KIAA0319: variants seen among roughly 807,000 people sequenced by gnomAD.
KIAA0319 encodes KIAA0319.
KIAA0319 carries 83 observed loss-of-function variants against 108.4 expected under a neutral mutation model. That is an observed-to-expected ratio of 0.77 (90% confidence interval 0.64 to 0.92). KIAA0319 has a LOEUF of 0.92. Among genes scored for constraint, KIAA0319 ranks in the 40% least tolerant of loss-of-function variants. KIAA0319 has a pLI of 0.00. For synonymous variants in KIAA0319, 484 were observed against 510.4 expected, an observed-to-expected ratio of 0.95 and a Z score of 0.70; for missense variants, 1,195 against 1,322.4, an observed-to-expected ratio of 0.90 and a Z score of 1.49.
In KIAA0319 at chr6:24,564,336, A is replaced by G; in HGVS notation, c.2297T>C (p.Val766Ala). The G allele has an allele frequency of 6.2e-7, 1 of 1,614,174 alleles. No individual in the cohort carries two copies. The highest frequency in any genetic ancestry group is 8.5e-7 in the Non-Finnish European group (1 of 1,179,986). ...RDGQSPAAGD[V>A]IDGSDHSVAL... Reference sequence around the variant, plus strand: ...CACACTGTGGTCAGAGCCATCGATGACATCCTGCGAAAGAACACGGATCAC... The same window carrying G: ...CACACTGTGGTCAGAGCCATCGATGGCATCCTGCGAAAGAACACGGATCAC... The change falls in exon 15 of 21, where the codon GTC (valine) becomes GCC (alanine). Residue 766 changes from valine (V) to alanine (A), a missense_variant. Val to Ala is a moderately conservative substitution (Grantham distance 64). Transcript: ENST00000378214.
Position 24,547,113 on chromosome 6 carries a change from C to T in KIAA0319, c.*52G>A. On this transcript the variant is annotated 3_prime_UTR_variant, in exon 21 of 21. Transcript: ENST00000378214. ...AGTGGGTTTTGTGCTGTAACTCCCACTGACTGGTCTTGGATTCAAGGGGTC... is the reference window on the plus strand; with the variant it reads ...AGTGGGTTTTGTGCTGTAACTCCCATTGACTGGTCTTGGATTCAAGGGGTC... 1.3e-6 allele frequency: 2 copies of T among 1,582,110 alleles called. No individual in the cohort carries two copies. The highest frequency in any genetic ancestry group is 1.1e-5 in the South Asian group (1 of 89,226).
rs758024443 is a variant in KIAA0319, at chr6:24,560,744, T to C, written c.2592-1589A>G. ...TTCTTCCTGTGTGCCTCTCTCTATG[T>C]CTCTTGTCCTCTTCTTAGAAGAACA... On this transcript the variant is annotated intron_variant, in intron 16 of 20. Transcript: ENST00000378214. 3.9e-5 allele frequency among the ~76,000 whole-genome samples: 6 copies of C among 152,298 alleles called. No homozygotes were observed. The Middle Eastern group carries it at 0.014, about 345-fold the overall frequency.
rs1766425002 is a variant in KIAA0319 at position 24,580,947 on chromosome 6, CAAATCCTTCTCCAAAGGCGTTTTCACTAG to C, written c.1229_1257del (p.Ser410CysfsTer6). On this transcript the variant is annotated frameshift_variant, in exon 7 of 21. Coordinates refer to ENST00000378214, the MANE Select transcript of KIAA0319 (RefSeq NM_014809.4). LOFTEE classifies it high-confidence loss of function. Reference sequence around the variant, plus strand: ...TTACCAGGCTTAACAGTGACATTGACAAATCCTTCTCCAAAGGCGTTTTCACTAGAAACAGTGACTTTGAAGACATAAAG... The same window carrying C: ...TTACCAGGCTTAACAGTGACATTGACAAACAGTGACTTTGAAGACATAAAG... 6.2e-7 allele frequency: 1 copy of C among 1,611,864 alleles called. No individual in the cohort carries two copies.
chr6:24,579,272 C>T (rs1765990508), intron 8 of KIAA0319, among the ~76,000 whole-genome samples: 1 of 151,852 alleles, frequency 6.6e-6, no homozygotes, highest in East Asian at 1.9e-4. Context: ...ATAGAAGAAA[C>T]GATCTCTGAA....
intron 20 of KIAA0319, among the ~76,000 whole-genome samples, chr6:24,548,986 G>A (rs1221035384): frequency 6.6e-6 from 1 of 152,076 alleles, no homozygotes; most frequent in Non-Finnish European, 1.5e-5. Context: ...TAAGAGGTGG[G>A]GCATTTGGGT....
intron 2 of KIAA0319, chr6:24,598,024 G>C (rs983353913): frequency 2.0e-5 from 5 of 245,508 alleles, no homozygotes; most frequent in African/African-American, 9.3e-5. Context: ...ATCCATCAAG[G>C]TGACCCATAA....
At chr6:24,606,073 G>A (rs955212348) in intron 1 of KIAA0319, among the ~76,000 whole-genome samples, 1 of 151,920 alleles carries the variant, frequency 6.6e-6, no homozygotes, top group African/African-American at 2.4e-5. Flanking sequence ...TAGCTGGGAC[G>A]ACAGGTGCCT....
chr6:24,559,533 C>T (rs552075914), intron 16 of KIAA0319, among the ~76,000 whole-genome samples: 1 of 152,118 alleles, frequency 6.6e-6, no homozygotes, highest in East Asian at 1.9e-4. Context: ...GCACAGGACC[C>T]TTCTAGATCT....
intron 18 of KIAA0319, among the ~76,000 whole-genome samples, chr6:24,555,803 C>T (rs1194269817): frequency 6.6e-6 from 1 of 152,168 alleles, no homozygotes; most frequent in Non-Finnish European, 1.5e-5. Flanking sequence ...GCCAAATTCT[C>T]TTCTTTACCT....
chr6:24,558,905 C>A, intron 17 of KIAA0319, 108 bp downstream of exon 17: 1 of 1,108,036 alleles, frequency 9.0e-7, no homozygotes, highest in Non-Finnish European at 1.3e-6. Flanking sequence ...AAACAAGTCC[C>A]TGGATGCTAA....
chr6:24,599,461 AG>A lies in KIAA0319; in HGVS notation c.55+1587del. 1.8e-6 allele frequency: 1 copy of A among 554,152 alleles called. No individual in the cohort carries two copies. The allele number at this position is 554,152 out of a possible 1,614,324, so 34.3% of individuals were successfully genotyped here. On this transcript the variant is annotated intron_variant, in intron 2 of 20. Coordinates refer to ENST00000378214, the MANE Select transcript of KIAA0319 (RefSeq NM_014809.4). This position sits in a 1 kb window ranked among gnomAD's most constrained non-coding sequence, Gnocchi z 4.1. Reference sequence around the variant, plus strand: ...TGGGCCATGCAGGACATGGCATGGCAGCTGCATGAGTACCAGGAGCTGATGA... The same window carrying A: ...TGGGCCATGCAGGACATGGCATGGCACTGCATGAGTACCAGGAGCTGATGA...
At chr6:24,625,029 C>G (rs1317978987) in intron 1 of KIAA0319, among the ~76,000 whole-genome samples, 2 of 152,236 alleles carry the variant, frequency 1.3e-5, no homozygotes, top group African/African-American at 4.8e-5. Context: ...TGCACCACTG[C>G]ATGCCAGCAT....
rs975570801 is a variant in KIAA0319 at position 24,544,502 on chromosome 6, C to T, written c.*2663G>A. ...CACAAAAAACAATGGTAGTCACTCT[C>T]CTCCCCGCGCACAAAAGGTGGCATC... On this transcript the variant is annotated 3_prime_UTR_variant, in exon 21 of 21. Coordinates refer to ENST00000378214, the MANE Select transcript of KIAA0319 (RefSeq NM_014809.4). The T allele has an allele frequency of 6.6e-6, 1 of 152,206 alleles. No individual in the cohort carries two copies. The highest frequency in any genetic ancestry group is 1.5e-5 in the Non-Finnish European group (1 of 68,044). The allele number at this position is 152,206 out of a possible 1,614,324, so 9.4% of individuals were successfully genotyped here.
chr6:24,628,160 TA>T (rs1466284708), intron 1 of KIAA0319, among the ~76,000 whole-genome samples: 3 of 152,222 alleles, frequency 2.0e-5, no homozygotes, highest in Admixed American at 6.5e-5. Context: ...ACCATATTTT[TA>T]AAAATCTAAA....
At chr6:24,630,698 TATATACAC>T (rs1775459432) in intron 1 of KIAA0319, among the ~76,000 whole-genome samples, 1 of 79,102 alleles carries the variant, frequency 1.3e-5, no homozygotes, top group African/African-American at 3.8e-5. Context: ...TATATATATA[TATATACAC>T]ATATACACAC....
chr6:24,547,463 A>G, intron 20 of KIAA0319, 120 bp from the exon 21 acceptor site: 1 of 822,688 alleles, frequency 1.2e-6, no homozygotes, highest in Non-Finnish European at 1.9e-6. Context: ...CTTGAAAGCA[A>G]TCACTCAAAA....
Position 24,564,330 on chromosome 6 carries a change from T to A in KIAA0319, c.2303A>T (p.Asp768Val). The A allele has an allele frequency of 6.2e-7, 1 of 1,614,152 alleles. No individual in the cohort carries two copies. Among genetic ancestry groups the A allele is most frequent in the Non-Finnish European group, 8.5e-7 (1 of 1,180,000 alleles). The change falls in exon 15 of 21, where the codon GAT becomes GTT. Residue 768 changes from aspartate to valine, a missense_variant. Asp to Val is a radical substitution (Grantham distance 152). Transcript: ENST00000378214. ...CAGAGCCACACTGTGGTCAGAGCCA[T>A]CGATGACATCCTGCGAAAGAACACG... Reference protein sequence around the residue: ...GQSPAAGDVIDGSDHSVALQL... With the variant: ...GQSPAAGDVIVGSDHSVALQL...
chr6:24,588,637 G>T lies in KIAA0319; in HGVS notation c.950C>A (p.Thr317Asn). 1 of 1,613,984 alleles carries T rather than the reference G, an allele frequency of 6.2e-7. No individual in the cohort carries two copies. Among genetic ancestry groups the T allele is most frequent in the Non-Finnish European group, 8.5e-7 (1 of 1,179,946 alleles). Residue 317 changes from threonine (T) to asparagine (N), a missense_variant, in exon 4 of 21, where the codon ACC becomes AAC. Physicochemically the swap from Thr to Asn is moderately conservative, Grantham distance 65. Coordinates refer to ENST00000378214, the MANE Select transcript of KIAA0319 (RefSeq NM_014809.4). ...AGGAGATATGGGTAGCTCAGATGGGGTGGACTCAGAGGGGGCTGCGCTAGT... is the reference window on the plus strand; with the variant it reads ...AGGAGATATGGGTAGCTCAGATGGGTTGGACTCAGAGGGGGCTGCGCTAGT... The part of the protein sequence containing the change: ...PPTSAAPSES[T>N]PSELPISPTT...
At chr6:24,557,276 T>A (rs977413380) in intron 17 of KIAA0319, among the ~76,000 whole-genome samples, 1 of 151,682 alleles carries the variant, frequency 6.6e-6, no homozygotes, top group Non-Finnish European at 1.5e-5. Flanking sequence ...CCAAGGTGAG[T>A]GGATCACTTG....
Sources: gnomAD v4.1 joint callset for allele counts (sites outside exome capture counted in the v4.1 genomes callset) on GRCh38, gnomAD v4.1.1 for gene constraint, Gnocchi (gnomAD v3.1) non-coding constraint, MANE v1.5 for transcripts, NCBI Gene and HGNC (gene_info 2026-07-23, HGNC 2026-07-21) for gene names.